Variants in SYCP3 observed in about 807,000 individuals in gnomAD.
The protein encoded by SYCP3 is synaptonemal complex protein 3.
A neutral mutation model predicts 38.5 loss-of-function variants in SYCP3; 29 were observed. That is an observed-to-expected ratio of 0.75 (90% CI 0.56 to 1.03). SYCP3 has a LOEUF of 1.03. Ranked by LOEUF, SYCP3 falls within the 50% of genes least tolerant of loss-of-function variation. The pLI is 0.00. For synonymous variants in SYCP3, 79 were observed against 80.3 expected (o/e 0.98, Z 0.08); for missense variants, 242 against 270.7 (o/e 0.89, Z 0.74).
At chr12:101,737,993 C>T in intron 1 of SYCP3, 41 bp from the exon 2 acceptor site, 4 of 1,607,322 alleles carry the variant, frequency 2.5e-6, no homozygotes, top group Non-Finnish European at 3.4e-6. Context: ...AATGCAAAGA[C>T]ATCATTTTAA....
intron 6 of SYCP3, chr12:101,732,657 TTTTC>T (rs1250783697): frequency 6.7e-6 from 1 of 150,112 alleles, no homozygotes; most frequent in African/African-American, 2.5e-5. Flanking sequence ...AATTTGCATT[TTTTC>T]TTTTTTCTTT....
intron 2 of SYCP3, 173 bp downstream of exon 2, chr12:101,737,630 G>A: frequency 1.2e-6 from 1 of 868,022 alleles, no homozygotes; most frequent in Non-Finnish European, 1.8e-6. Context: ...AGGATCAAAT[G>A]AGAAACACAA....
At chr12:101,735,871 A>ATATATATATATTTTTTTT in intron 4 of SYCP3, among the ~76,000 whole-genome samples, 9 of 74,784 alleles carry the variant, frequency 1.2e-4, no homozygotes, top group African/African-American at 5.0e-4. Context: ...ATATATATAT[A>ATATATATATATTTTTTTT]TTTTTTTTTT....
At chr12:101,739,244 C>A in intron 1 of SYCP3, 107 bp downstream of exon 1, 1 of 994,754 alleles carries the variant, frequency 1.0e-6, no homozygotes, top group Non-Finnish European at 1.2e-6. Flanking sequence ...CCTCCGTTTT[C>A]TCGTCAGAGG....
Position 101,737,395 on chromosome 12 carries a change from G to A in SYCP3, c.134-97C>T, listed in dbSNP as rs1456124108. ...AAACATCTTCATTTGGGGATTTTTA[G>A]GCTTTTTGCCAACATACAGTTTCAA... On this transcript the variant is annotated intron_variant, in intron 2 of 8. Coordinates refer to ENST00000392924, the MANE Select transcript of SYCP3 (RefSeq NM_001177949.2). 1.0e-5 allele frequency: 12 copies of A among 1,186,196 alleles called. No individual in the cohort carries two copies. The South Asian group carries it at 1.5e-4, about 15-fold the overall frequency. The allele number at this position is 1,186,196 out of a possible 1,614,324, so 73.5% of individuals were successfully genotyped here.
At chr12:101,735,816 G>A (rs1343486567) in intron 4 of SYCP3, among the ~76,000 whole-genome samples, 2 of 118,254 alleles carry the variant, frequency 1.7e-5, no homozygotes, top group African/African-American at 5.6e-5. Flanking sequence ...GATAAAAATA[G>A]TTAAAGAAGA....
chr12:101,730,340 T>C (rs1952130983), intron 7 of SYCP3, among the ~76,000 whole-genome samples: 1 of 152,120 alleles, frequency 6.6e-6, no homozygotes, highest in African/African-American at 2.4e-5. Context: ...CTATCCTAAA[T>C]AGTAACATTT....
At chr12:101,732,618 G>A (rs1225152126) in intron 6 of SYCP3, 1 of 150,372 alleles carries the variant, frequency 6.7e-6, no homozygotes, top group South Asian at 2.1e-4. Context: ...TGTAAATGCT[G>A]TATAGTTGTA....
intron 6 of SYCP3, 163 bp downstream of exon 6, chr12:101,733,412 G>A: frequency 1.6e-6 from 1 of 619,474 alleles, no homozygotes; most frequent in Non-Finnish European, 2.9e-6. Context: ...TTATGAGTAT[G>A]GTATGTGCCT....
At chr12:101,735,266 G>A (rs1024595448) in intron 4 of SYCP3, among the ~76,000 whole-genome samples, 2 of 151,714 alleles carry the variant, frequency 1.3e-5, no homozygotes, top group African/African-American at 4.9e-5. Flanking sequence ...TTTCCTAACT[G>A]GAGATAATTT....
In SYCP3 at chr12:101,728,872, T is replaced by A; in HGVS notation, c.*55A>T. On this transcript the variant is annotated 3_prime_UTR_variant, in exon 9 of 9. Coordinates refer to ENST00000392924, the MANE Select transcript of SYCP3 (RefSeq NM_001177949.2). ...AAAGACTTACAATATGCTTCTTAGC[T>A]AACGTTATAATTGTATCATATTACT... is the stretch of plus-strand genomic sequence containing the variant. 6.2e-7 allele frequency: 1 copy of A among 1,610,706 alleles called. No individual in the cohort carries two copies. Among genetic ancestry groups the A allele is most frequent in the Non-Finnish European group, 8.5e-7 (1 of 1,177,722 alleles).
intron 2 of SYCP3, 146 bp downstream of exon 2, chr12:101,737,657 G>A (rs1031993063): frequency 4.3e-5 from 46 of 1,069,956 alleles, no homozygotes; most frequent in South Asian, 1.3e-4. Flanking sequence ...CTGGCCATCC[G>A]TGTCAGCAGG....
chr12:101,737,425 G>T, intron 2 of SYCP3, 127 bp from the exon 3 acceptor site: 1 of 903,906 alleles, frequency 1.1e-6, no homozygotes, highest in Non-Finnish European at 1.7e-6. Flanking sequence ...TTTCAAAGCA[G>T]ACATAAAAAT....
intron 7 of SYCP3, chr12:101,730,491 ATTTTTTTTT>A (rs201662453): frequency 1.2e-5 from 4 of 329,080 alleles, no homozygotes; most frequent in African/African-American, 2.9e-5. Flanking sequence ...TGTGTGTATA[ATTTTTTTTT>A]TTTTTTTTTT....
rs1241265217 is a variant in SYCP3 at position 101,729,212 on chromosome 12, C to T, written c.554G>A (p.Ser185Asn). 3 of 1,612,596 alleles carry T rather than the reference C, an allele frequency of 1.9e-6. No individual in the cohort carries two copies. The African/African-American group carries it at 4.0e-5, about 22-fold the overall frequency. The stretch of plus-strand genomic sequence containing the variant: ...ATGATTCTTCTCCAACTCTTCCATA[C>T]TCTAAAAACACAAAAGACAAGTTAA... ...IKQLYEQFIK[S>N]MEELEKNHDN... Residue 185 changes from serine to asparagine, a missense_variant and splice_region_variant, in exon 8 of 9, where the codon AGT becomes AAT. Ser to Asn is a conservative substitution (Grantham distance 46). Coordinates refer to ENST00000392924, the MANE Select transcript of SYCP3 (RefSeq NM_001177949.2).
chr12:101,735,871 A>ATATATATATATATATATATATTT, intron 4 of SYCP3, among the ~76,000 whole-genome samples: 5 of 74,744 alleles, frequency 6.7e-5, no homozygotes, highest in African/African-American at 3.1e-4. Flanking sequence ...ATATATATAT[A>ATATATATATATATATATATATTT]TTTTTTTTTT....
At chr12:101,732,176 A>G (rs1010183571) in intron 6 of SYCP3, 1 of 154,044 alleles carries the variant, frequency 6.5e-6, no homozygotes, top group African/African-American at 2.4e-5. Context: ...AATTGCTCAA[A>G]CAAGAATTTG....
At position 101,737,235 on chromosome 12, in the gene SYCP3, A is replaced by G. The variant is rs759178572; in HGVS notation, c.197T>C (p.Met66Thr). The G allele has an allele frequency of 9.3e-6, 15 of 1,613,072 alleles. No homozygotes were observed. The highest frequency in any genetic ancestry group is 5.5e-5 in the South Asian group (5 of 91,066). Residue 66 changes from methionine to threonine, a missense_variant, in exon 3 of 9, where the codon ATG (methionine) becomes ACG (threonine). Coordinates refer to ENST00000392924, the MANE Select transcript of SYCP3 (RefSeq NM_001177949.2). ...KRSSAGVVED[M>T]GGEVQNMLEG... ...AAAATTATTTTGAACACGTTACCCC[A>G]TATCTTCAACTACTCCTGCAGAAGA...
At chr12:101,731,179 C>G (rs903036274) in intron 7 of SYCP3, among the ~76,000 whole-genome samples, 2 of 151,934 alleles carry the variant, frequency 1.3e-5, no homozygotes, top group Non-Finnish European at 2.9e-5. Flanking sequence ...CAAGAGAATT[C>G]AATAATTTGG....
Sources: allele counts gnomAD v4.1 joint callset (sites outside exome capture counted in the v4.1 genomes callset), GRCh38; gene constraint gnomAD v4.1.1; transcripts MANE v1.5; gene names NCBI Gene and HGNC (gene_info 2026-07-23, HGNC 2026-07-21).